The following FDFT1 variants were observed in gnomAD, a reference collection of about 807,000 sequenced individuals.
FDFT1 encodes farnesyl-diphosphate farnesyltransferase 1.
FDFT1 carries 68 observed loss-of-function variants against 46.8 expected under a neutral mutation model. The observed-to-expected ratio is 1.45, with a 90% CI of 1.19 to 1.78. FDFT1 has a LOEUF of 1.78. Among genes scored for constraint, FDFT1 ranks in the 40% most tolerant of loss-of-function variants. The probability of loss-of-function intolerance (pLI) is 0.00; values close to 1 mark genes in which losing one functional copy is unlikely to be tolerated. For missense variants in FDFT1, 928 were observed against 524.4 expected, an observed-to-expected ratio of 1.77 and a Z score of -7.52; for synonymous variants, 351 against 185.1, an observed-to-expected ratio of 1.90 and a Z score of -7.28.
chr8:11,826,252 T>A (rs186477627), intron 5 of FDFT1, 37 bp downstream of exon 5: 3 of 1,412,310 alleles, frequency 2.1e-6, no homozygotes, highest in Non-Finnish European at 2.9e-6. Context: ...AAAATAACTT[T>A]AGACATTCTC....
chr8:11,815,546 T>A (rs57720356), intron 3 of FDFT1, among the ~76,000 whole-genome samples: 23,639 of 152,240 alleles, frequency 0.16, 2,043 homozygotes, highest in African/African-American at 0.22. Context: ...TTCCTGACTT[T>A]TTAAATGATC....
At position 11,802,848 on chromosome 8, in the gene FDFT1, T is replaced by C. The variant is rs1175816844; in HGVS notation, c.16T>C (p.Cys6Arg). 6.2e-7 allele frequency: 1 copy of C among 1,611,060 alleles called. No individual in the cohort carries two copies. The highest frequency in any genetic ancestry group is 8.5e-7 in the Non-Finnish European group (1 of 1,178,598). Residue 6 changes from cysteine (C) to arginine (R), a missense_variant, in exon 1 of 8, where the codon TGC becomes CGC. Cys to Arg is a radical substitution (Grantham distance 180). Coordinates refer to ENST00000220584, the MANE Select transcript of FDFT1 (RefSeq NM_004462.5). MEFVKCLGHPEEFYNL... is the reference protein window; with the variant it reads MEFVKRLGHPEEFYNL... ...CTGCGCCAGGATGGAGTTCGTGAAA[T>C]GCCTTGGCCACCCCGAAGAGTTCTA...
chr8:11,823,328 A>G (rs1228159556), intron 4 of FDFT1, among the ~76,000 whole-genome samples: 1 of 152,230 alleles, frequency 6.6e-6, no homozygotes, highest in Non-Finnish European at 1.5e-5. Context: ...TATTTCTACC[A>G]AAAGAACTAT....
intron 1 of FDFT1, 61 bp from the exon 2 acceptor site, chr8:11,808,709 GTCCCACTCCCACTCCCACTCCCAC>G (rs71711801): frequency 2.1e-5 from 32 of 1,514,970 alleles, no homozygotes; most frequent in African/African-American, 4.2e-5. Flanking sequence ...GCCTGCCCCA[GTCCCACTCCCACTCCCACTCCCAC>G]TCCCACTCCC....
At chr8:11,802,279 G>C, upstream of FDFT1, 1 of 384,608 alleles carries the variant, frequency 2.6e-6, no homozygotes, top group East Asian at 7.2e-5. Flanking sequence ...AGCGGCTGCA[G>C]AGCTCACCCG....
upstream of FDFT1, among the ~76,000 whole-genome samples, chr8:11,799,085 T>C (rs1188122653): frequency 6.6e-6 from 1 of 152,228 alleles, no homozygotes; most frequent in Non-Finnish European, 1.5e-5. Context: ...AACATGTATG[T>C]AATATATGAC....
chr8:11,811,113 A>G (rs1043193676), intron 3 of FDFT1, among the ~76,000 whole-genome samples: 2 of 152,166 alleles, frequency 1.3e-5, no homozygotes, highest in African/African-American at 4.8e-5. Flanking sequence ...ATTCAAGAGA[A>G]GAAAGAAAAT....
rs755611965 is a variant in FDFT1, at chr8:11,835,971, T to TAAAAAAAAAAAAAAAAA, written c.1033-2409_1033-2393dup. On this transcript the variant is annotated intron_variant, in intron 7 of 7. Transcript: ENST00000220584. ...TTATGTGATGAAACCCTGTCTCTAC[T>TAAAAAAAAAAAAAAAAA]AAAAAAAAAAAAAAAAAAAAAAAAT... Among the ~76,000 whole-genome samples the TAAAAAAAAAAAAAAAAA allele has an allele frequency of 2.9e-4, 19 of 64,602 alleles. 1 individual carries two copies. The highest frequency in any genetic ancestry group is 6.6e-4 in the African/African-American group (13 of 19,762). 42.4% of individuals were successfully genotyped at this position (64,602 alleles called of 152,430 possible). A position where few individuals can be genotyped will look rare whatever the true frequency, so the allele number is the denominator to read the frequency against.
intron 6 of FDFT1, 143 bp from the exon 7 acceptor site, chr8:11,831,375 G>A (rs747141748): frequency 5.8e-5 from 38 of 652,222 alleles, no homozygotes; most frequent in Non-Finnish European, 7.9e-5. Flanking sequence ...TTTCTTCGTG[G>A]GTATTTTTTC....
At chr8:11,806,025 T>C (rs548582338) in intron 1 of FDFT1, among the ~76,000 whole-genome samples, 1 of 152,258 alleles carries the variant, frequency 6.6e-6, no homozygotes, top group African/African-American at 2.4e-5. Context: ...AGTTTGTGGT[T>C]TTTTTCCCCT....
chr8:11,838,561 C>T lies in FDFT1; in HGVS notation c.1206C>T (p.Thr402=). The T allele has an allele frequency of 1.2e-6, 2 of 1,613,618 alleles. No individual in the cohort carries two copies. The highest frequency in any genetic ancestry group is 1.7e-6 in the Non-Finnish European group (2 of 1,179,800). ...LLAALSWQYL[T]TLSQVTEDYV... ...CTGCCCTGAGCTGGCAGTACCTGAC[C>T]ACTCTCTCCCAGGTAACAGAAGACT... Residue 402 remains threonine, a synonymous_variant, in exon 8 of 8, where the codon ACC becomes ACT. Coordinates refer to ENST00000220584, the MANE Select transcript of FDFT1 (RefSeq NM_004462.5).
rs1422201871 is a variant in FDFT1, at chr8:11,803,246, C to G, written c.99+315C>G. 8.7e-6 allele frequency: 12 copies of G among 1,373,720 alleles called. No individual in the cohort carries two copies. In the East Asian group the frequency reaches 4.6e-4, roughly 52 times the overall value. 85.1% of individuals were successfully genotyped at this position (1,373,720 alleles called of 1,614,324 possible). A position where few individuals can be genotyped will look rare whatever the true frequency, so the allele number is the denominator to read the frequency against. Reference sequence around the variant, plus strand: ...TACCGGTATTTTAACCCGAGGGTTACACATCTGAGGCAATGTGGGTGGGTT... The same window carrying G: ...TACCGGTATTTTAACCCGAGGGTTAGACATCTGAGGCAATGTGGGTGGGTT... On this transcript the variant is annotated intron_variant, in intron 1 of 7. Coordinates refer to ENST00000220584, the MANE Select transcript of FDFT1 (RefSeq NM_004462.5).
At chr8:11,808,734 TCCCA>T in intron 1 of FDFT1, 56 bp from the exon 2 acceptor site, 1 of 1,568,140 alleles carries the variant, frequency 6.4e-7, no homozygotes, top group Non-Finnish European at 8.6e-7. Flanking sequence ...CCACTCCCAC[TCCCA>T]CTCCCACTCC....
chr8:11,832,401 A>C (rs1810926510), intron 7 of FDFT1, among the ~76,000 whole-genome samples: 2 of 151,588 alleles, frequency 1.3e-5, no homozygotes, highest in African/African-American at 4.8e-5. Context: ...CAAAAAATTT[A>C]AAAATTGTCA....
chr8:11,803,108 C>G (rs762655227), intron 1 of FDFT1, 177 bp downstream of exon 1: 23 of 1,427,964 alleles, frequency 1.6e-5, no homozygotes, highest in Admixed American at 2.8e-5. Flanking sequence ...GTGGACGCGG[C>G]CGTCCTGGCT....
At chr8:11,796,359 A>G (rs1351137203) in intron 1 of FDFT1, among the ~76,000 whole-genome samples, 1 of 152,192 alleles carries the variant, frequency 6.6e-6, no homozygotes, top group Non-Finnish European at 1.5e-5. Context: ...TGAGGGGGCC[A>G]CTGTGAGGTG....
intron 3 of FDFT1, among the ~76,000 whole-genome samples, chr8:11,821,290 A>G (rs570804884): frequency 6.6e-6 from 1 of 152,356 alleles, no homozygotes; most frequent in South Asian, 2.1e-4. Flanking sequence ...TATGAAATTT[A>G]TGAAATAATA....
At chr8:11,820,489 C>G (rs1165412056) in intron 3 of FDFT1, among the ~76,000 whole-genome samples, 1 of 84,066 alleles carries the variant, frequency 1.2e-5, no homozygotes, top group Admixed American at 1.3e-4. Context: ...CCTTGCTGAG[C>G]TGCGGTGGGC....
intron 7 of FDFT1, among the ~76,000 whole-genome samples, chr8:11,837,228 T>G (rs1027320035): frequency 1.3e-5 from 2 of 151,402 alleles, no homozygotes; most frequent in African/African-American, 4.9e-5. Context: ...ACAGTTGTTC[T>G]TTTGTTTTTG....
Sources: gnomAD v4.1 joint callset for allele counts (sites outside exome capture counted in the v4.1 genomes callset) on GRCh38, gnomAD v4.1.1 for gene constraint, MANE v1.5 for transcripts, NCBI Gene and HGNC (gene_info 2026-07-23, HGNC 2026-07-21) for gene names.